SH3GL2: variants seen among roughly 807,000 people sequenced by gnomAD.
SH3GL2 encodes endophilin-A1.
Under a neutral mutation model 46.0 loss-of-function variants are expected in SH3GL2, and 24 were observed. The observed-to-expected ratio is 0.52, with a 90% CI of 0.38 to 0.73. SH3GL2 has a LOEUF of 0.73. Among genes scored for constraint, SH3GL2 ranks in the 30% least tolerant of loss-of-function variants. The pLI is 0.00. For missense variants in SH3GL2, 413 were observed against 424.2 expected, an observed-to-expected ratio of 0.97 and a Z score of 0.23; for synonymous variants, 196 against 147.1, an observed-to-expected ratio of 1.33 and a Z score of -2.40.
chr9:17,607,855 A>T (rs1246456423), intron 1 of SH3GL2, among the ~76,000 whole-genome samples: 3 of 152,208 alleles, frequency 2.0e-5, no homozygotes, highest in Non-Finnish European at 4.4e-5. Flanking sequence ...GACACTTGGT[A>T]TCATCACAAA....
At chr9:17,666,775 G>T (rs1820354803) in intron 1 of SH3GL2, among the ~76,000 whole-genome samples, 1 of 151,968 alleles carries the variant, frequency 6.6e-6, no homozygotes, top group Non-Finnish European at 1.5e-5. Context: ...GTAACTTCCT[G>T]GAAGTAATAT....
At chr9:17,773,614 G>A (rs758574219) in intron 3 of SH3GL2, among the ~76,000 whole-genome samples, 12 of 152,058 alleles carry the variant, frequency 7.9e-5, no homozygotes, top group Non-Finnish European at 1.3e-4. Context: ...TCATTTGACC[G>A]TGTATGCAAG....
intron 1 of SH3GL2, among the ~76,000 whole-genome samples, chr9:17,588,109 T>C (rs1818414221): frequency 6.6e-6 from 1 of 152,198 alleles, no homozygotes; most frequent in South Asian, 2.1e-4. Flanking sequence ...CAAAGTCTTT[T>C]TCATTTATAT....
chr9:17,636,013 C>G (rs1819534637), intron 1 of SH3GL2, among the ~76,000 whole-genome samples: 1 of 152,186 alleles, frequency 6.6e-6, no homozygotes, highest in Admixed American at 6.5e-5. Context: ...TACAGCCACA[C>G]TGAAGCTTTG....
intron 1 of SH3GL2, among the ~76,000 whole-genome samples, chr9:17,638,982 G>A (rs1279213551): frequency 6.6e-6 from 1 of 152,132 alleles, no homozygotes; most frequent in Non-Finnish European, 1.5e-5. Context: ...ATTAACCCTG[G>A]TTGTACTTTA....
chr9:17,782,528 C>T (rs1282084128), intron 3 of SH3GL2, among the ~76,000 whole-genome samples: 1 of 152,092 alleles, frequency 6.6e-6, no homozygotes, highest in Non-Finnish European at 1.5e-5. Context: ...AATGAAAAGA[C>T]TCAGTGGTAG....
chr9:17,762,755 T>G (rs1459853526), intron 3 of SH3GL2, among the ~76,000 whole-genome samples: 3 of 152,174 alleles, frequency 2.0e-5, no homozygotes, highest in Non-Finnish European at 2.9e-5. Flanking sequence ...AAAATCAGGT[T>G]TCTTATTTTT....
intron 1 of SH3GL2, among the ~76,000 whole-genome samples, chr9:17,700,168 G>A (rs768069193): frequency 6.6e-6 from 1 of 152,024 alleles, no homozygotes; most frequent in Non-Finnish European, 1.5e-5. Flanking sequence ...CATCTGCTAG[G>A]GATTTATTAT....
At chr9:17,608,347 C>T (rs896834042) in intron 1 of SH3GL2, among the ~76,000 whole-genome samples, 5 of 152,048 alleles carry the variant, frequency 3.3e-5, no homozygotes, top group East Asian at 1.9e-4. Context: ...AGGGTTTCAC[C>T]GTGTTAGCCG....
chr9:17,783,804 G>A (rs1013699501), intron 3 of SH3GL2, among the ~76,000 whole-genome samples: 6 of 152,082 alleles, frequency 3.9e-5, no homozygotes, highest in African/African-American at 1.4e-4. Context: ...GTTTGAAGGA[G>A]AGGAGTTAGG....
chr9:17,679,648 A>G (rs1820714487), intron 1 of SH3GL2, among the ~76,000 whole-genome samples: 1 of 152,218 alleles, frequency 6.6e-6, no homozygotes, highest in Non-Finnish European at 1.5e-5. Context: ...TGCCCTGGCC[A>G]GAACTTTCAA....
At chr9:17,766,183 A>G (rs1823312215) in intron 3 of SH3GL2, among the ~76,000 whole-genome samples, 1 of 152,188 alleles carries the variant, frequency 6.6e-6, no homozygotes, top group African/African-American at 2.4e-5. Flanking sequence ...TTCCTCCTGG[A>G]AAATCCAGCT....
chr9:17,613,442 A>G (rs982019), intron 1 of SH3GL2, among the ~76,000 whole-genome samples: 128,584 of 152,122 alleles, frequency 0.85, 57,091 homozygotes, highest in South Asian at 0.99. Flanking sequence ...AACAATGGCA[A>G]TATTTTTGGC....
At chr9:17,774,653 A>G (rs1242549926) in intron 3 of SH3GL2, among the ~76,000 whole-genome samples, 1 of 151,972 alleles carries the variant, frequency 6.6e-6, no homozygotes, top group Non-Finnish European at 1.5e-5. Context: ...CCACTTGGTC[A>G]TGGGGTATAA....
intron 3 of SH3GL2, among the ~76,000 whole-genome samples, chr9:17,769,202 C>G (rs925563221): frequency 1.3e-5 from 2 of 152,206 alleles, no homozygotes; most frequent in African/African-American, 4.8e-5. Flanking sequence ...AGCACCACTT[C>G]AGATGTACAT....
intron 1 of SH3GL2, among the ~76,000 whole-genome samples, chr9:17,695,034 C>G (rs1223899533): frequency 1.3e-5 from 2 of 151,794 alleles, no homozygotes; most frequent in Non-Finnish European, 2.9e-5. Flanking sequence ...ATAAAAATAG[C>G]CAGAGATCAC....
At chr9:17,741,791 G>A (rs1444586138) in intron 1 of SH3GL2, among the ~76,000 whole-genome samples, 1 of 152,158 alleles carries the variant, frequency 6.6e-6, no homozygotes, top group Non-Finnish European at 1.5e-5. Flanking sequence ...GAGCAAATAT[G>A]CTTAGCAGTT....
intron 1 of SH3GL2, among the ~76,000 whole-genome samples, chr9:17,676,709 A>G (rs1820620290): frequency 6.6e-6 from 1 of 152,208 alleles, no homozygotes; most frequent in Non-Finnish European, 1.5e-5. Context: ...CATAGCCTCA[A>G]TATAGTTTTC....
At chr9:17,751,354 A>G (rs1588300777) in intron 2 of SH3GL2, among the ~76,000 whole-genome samples, 1 of 152,146 alleles carries the variant, frequency 6.6e-6, no homozygotes, top group African/African-American at 2.4e-5. Context: ...CAATTTTTCT[A>G]TCCAGCCCAA....
Sources: allele counts gnomAD v4.1 joint callset (sites outside exome capture counted in the v4.1 genomes callset), GRCh38; gene constraint gnomAD v4.1.1; transcripts MANE v1.5; gene names NCBI Gene and HGNC (gene_info 2026-07-23, HGNC 2026-07-21).